The following BAZ2B variants were observed in gnomAD, a reference collection of about 807,000 sequenced individuals.
The protein encoded by BAZ2B is bromodomain adjacent to zinc finger domain protein 2B.
A neutral mutation model predicts 246.0 loss-of-function variants in BAZ2B; 91 were observed. The ratio of observed to expected loss-of-function variants is 0.37; its 90% CI spans 0.31 to 0.44. BAZ2B has a LOEUF of 0.44. Ranked by LOEUF, BAZ2B falls within the 20% of genes least tolerant of loss-of-function variation. The pLI is 1.00. For missense variants in BAZ2B, 2,332 were observed against 2,533.7 expected (o/e 0.92, Z 1.71); for synonymous variants, 855 against 860.0 (o/e 0.99, Z 0.10).
chr2:159,339,531 T>C (rs974404869), intron 31 of BAZ2B, among the ~76,000 whole-genome samples: 4 of 152,098 alleles, frequency 2.6e-5, no homozygotes, highest in Non-Finnish European at 5.9e-5. Context: ...AATCTAAAAA[T>C]AGAACTACCA....
chr2:159,422,229 A>C (rs2068894007), intron 13 of BAZ2B, among the ~76,000 whole-genome samples: 1 of 152,252 alleles, frequency 6.6e-6, no homozygotes, highest in South Asian at 2.1e-4. Flanking sequence ...TGTTTCACAG[A>C]AACAGAAAAA....
the BAZ2B span, among the ~76,000 whole-genome samples, chr2:159,641,167 C>T: frequency 6.6e-6 from 1 of 152,184 alleles, no homozygotes; most frequent in Non-Finnish European, 1.5e-5. Flanking sequence ...AATGGTTGAA[C>T]TAATTTACAC....
At chr2:159,626,613 A>T in the BAZ2B span, among the ~76,000 whole-genome samples, 1 of 152,236 alleles carries the variant, frequency 6.6e-6, no homozygotes, top group Admixed American at 6.5e-5. Flanking sequence ...TATTCTTTGA[A>T]ACCAATGAGA....
intron 27 of BAZ2B, among the ~76,000 whole-genome samples, chr2:159,357,066 C>A (rs1407760691): frequency 6.6e-6 from 1 of 152,112 alleles, no homozygotes; most frequent in Non-Finnish European, 1.5e-5. Flanking sequence ...AATGCCTCTT[C>A]TCCTCCAAAG....
intron 16 of BAZ2B, among the ~76,000 whole-genome samples, chr2:159,401,168 T>C (rs888286287): frequency 4.6e-5 from 7 of 152,364 alleles, no homozygotes; most frequent in Admixed American, 6.5e-5. Context: ...TCACAGTAAT[T>C]TGTAAAATGC....
At chr2:159,454,597 T>C (rs2075502910) in intron 3 of BAZ2B, among the ~76,000 whole-genome samples, 1 of 152,214 alleles carries the variant, frequency 6.6e-6, no homozygotes, top group African/African-American at 2.4e-5. Context: ...CTTAGGGGGC[T>C]ACTGTCATAT....
In BAZ2B at chr2:159,448,298, G is replaced by T. The variant is rs2074549688; in HGVS notation, c.446C>A (p.Ser149Tyr). The T allele has an allele frequency of 6.2e-7, 1 of 1,613,112 alleles. No homozygotes were observed. Among genetic ancestry groups the T allele is most frequent in the South Asian group, 1.1e-5 (1 of 90,818 alleles). The part of the protein sequence containing the change: ...LFAPPAQNHD[S>Y]SSFHSRTSGK... ...CGAAGTCCTTGAATGGAATGAAGAA[G>T]AATCATGATTCTGGGCTGGGGGAGC... The change falls in exon 5 of 37, where the codon TCT becomes TAT. Residue 149 changes from serine to tyrosine, a missense_variant. This residue lies in a region of BAZ2B where 242 missense variants were observed against 237.4 expected (regional missense o/e 1.02). Transcript: ENST00000392783.
At chr2:159,355,156 A>C (rs1349397642) in intron 27 of BAZ2B, among the ~76,000 whole-genome samples, 1 of 152,200 alleles carries the variant, frequency 6.6e-6, no homozygotes, top group Non-Finnish European at 1.5e-5. Flanking sequence ...TGAAAAAGAA[A>C]AAGCAAGAAA....
chr2:159,392,642 C>T (rs1292076293), intron 20 of BAZ2B, among the ~76,000 whole-genome samples: 1 of 152,142 alleles, frequency 6.6e-6, no homozygotes, highest in Non-Finnish European at 1.5e-5. Context: ...TCCTCTCCCA[C>T]TGGTCTCCAT....
At chr2:159,472,946 C>A (rs1479946129) in intron 3 of BAZ2B, among the ~76,000 whole-genome samples, 1 of 152,078 alleles carries the variant, frequency 6.6e-6, no homozygotes. Flanking sequence ...CTGTAATTTT[C>A]TTTTTTTGTC....
intron 2 of BAZ2B, among the ~76,000 whole-genome samples, chr2:159,529,496 C>T (rs933727399): frequency 3.9e-5 from 6 of 152,066 alleles, no homozygotes; most frequent in African/African-American, 1.2e-4. Context: ...CAGTTCTCAC[C>T]CAGGTATCTA....
chr2:159,495,277 A>C (rs1264114558), intron 2 of BAZ2B, among the ~76,000 whole-genome samples: 1 of 151,342 alleles, frequency 6.6e-6, no homozygotes, highest in Non-Finnish European at 1.5e-5. Flanking sequence ...CGAGGTCAGG[A>C]GATCGAGACC....
chr2:159,575,141 A>G (rs1684999183), intron 1 of BAZ2B, among the ~76,000 whole-genome samples: 1 of 152,162 alleles, frequency 6.6e-6, no homozygotes, highest in African/African-American at 2.4e-5. Context: ...GCAAATCCAT[A>G]GAGAGAGAAA....
At chr2:159,522,844 A>G (rs1261156496) in intron 2 of BAZ2B, among the ~76,000 whole-genome samples, 1 of 152,194 alleles carries the variant, frequency 6.6e-6, no homozygotes, top group Non-Finnish European at 1.5e-5. Flanking sequence ...GTGCAATACC[A>G]AAAGCCTACT....
intron 31 of BAZ2B, 95 bp downstream of exon 31, chr2:159,347,391 C>A: frequency 7.5e-7 from 1 of 1,341,606 alleles, no homozygotes; most frequent in South Asian, 1.2e-5. Flanking sequence ...AAAATAAAAA[C>A]ATTTAGCACA....
chr2:159,539,956 G>T lies in BAZ2B; in HGVS notation c.-3+15867C>A, dbSNP rs192532962. On this transcript the variant is annotated intron_variant, in intron 2 of 36. Coordinates refer to ENST00000392783, the MANE Select transcript of BAZ2B (RefSeq NM_013450.4). ...CTCATCAGGGAGACCTTCCCTGACT[G>T]TTATATGTATGTTGCCCTCAATTCT... Among the ~76,000 whole-genome samples the T allele has an allele frequency of 2.9e-3, 438 of 152,164 alleles. 1 individual carries two copies. Among genetic ancestry groups the T allele is most frequent in the Admixed American group, 5.8e-3 (88 of 15,274 alleles).
At chr2:159,434,936 TTTA>T (rs749311976) in intron 8 of BAZ2B, 6 of 151,980 alleles carry the variant, frequency 3.9e-5, no homozygotes, top group Non-Finnish European at 5.9e-5. Context: ...AATCATGAAT[TTTA>T]TTAAGCTACT....
At chr2:159,661,626 T>C in the BAZ2B span, among the ~76,000 whole-genome samples, 187 of 152,338 alleles carry the variant, frequency 1.2e-3, no homozygotes, top group African/African-American at 4.4e-3. Flanking sequence ...AAAGTTTTAT[T>C]TCATCTATTT....
chr2:159,351,958 T>A (rs2058613000), intron 27 of BAZ2B, among the ~76,000 whole-genome samples: 1 of 152,194 alleles, frequency 6.6e-6, no homozygotes, highest in African/African-American at 2.4e-5. Context: ...CAATACACCT[T>A]CCCAGAAATA....
Sources: gnomAD v4.1 joint callset for allele counts (sites outside exome capture counted in the v4.1 genomes callset) on GRCh38, gnomAD v4.1.1 for gene constraint, gnomAD v4.1.1 regional missense constraint, MANE v1.5 for transcripts, NCBI Gene and HGNC (gene_info 2026-07-23, HGNC 2026-07-21) for gene names.